MCTP2: variants seen among roughly 807,000 people sequenced by gnomAD.
The protein encoded by MCTP2 is multiple C2 and transmembrane domain containing 2.
A neutral mutation model predicts 111.6 loss-of-function variants in MCTP2; 132 were observed. That is an observed-to-expected ratio of 1.18 (90% CI 1.03 to 1.37). The LOEUF (loss-of-function observed/expected upper bound fraction) is 1.37. Ranked by LOEUF, MCTP2 falls within the 40% of genes most tolerant of loss-of-function variation. The pLI is 0.00. For synonymous variants in MCTP2, 395 were observed against 387.7 expected (o/e 1.02, Z -0.22); for missense variants, 1,183 against 1,067.9 (o/e 1.11, Z -1.50).
At chr15:94,388,627 G>GT (rs989026912) in intron 14 of MCTP2, among the ~76,000 whole-genome samples, 19 of 151,540 alleles carry the variant, frequency 1.3e-4, no homozygotes, top group East Asian at 5.8e-4. Context: ...TTTAGATCTA[G>GT]TTTTTTTTTC....
intron 17 of MCTP2, 149 bp from the exon 18 acceptor site, chr15:94,440,027 C>T (rs2083686813): frequency 2.4e-6 from 2 of 844,556 alleles, no homozygotes; most frequent in Non-Finnish European, 3.7e-6. Context: ...ATGAGTTGAT[C>T]ATTGTGTGTG....
At position 94,367,561 on chromosome 15, in the gene MCTP2, G is replaced by A. The variant is rs753724011; in HGVS notation, c.1302-44G>A. ...GCTTTGGAGGTACTGCAGTGGCCTT[G>A]AATTAATCACTTTTCTCTCTCTTGA... On this transcript the variant is annotated intron_variant, in intron 10 of 22. Transcript: ENST00000357742. 69 of 1,527,338 alleles carry A rather than the reference G, an allele frequency of 4.5e-5. 1 individual carries two copies. The highest frequency in any genetic ancestry group is 6.0e-5 in the Non-Finnish European group (67 of 1,117,860). 94.6% of individuals were successfully genotyped at this position (1,527,338 alleles called of 1,614,324 possible). A position where few individuals can be genotyped will look rare whatever the true frequency, so the allele number is the denominator to read the frequency against.
rs142333701 is a variant in MCTP2, at chr15:94,355,338, A to G, written c.1006-799A>G. Among the ~76,000 whole-genome samples the G allele has an allele frequency of 2.6e-5, 4 of 152,360 alleles. No homozygotes were observed. The East Asian group carries it at 7.7e-4, about 29-fold the overall frequency. On this transcript the variant is annotated intron_variant, in intron 8 of 22. Coordinates refer to ENST00000357742, the MANE Select transcript of MCTP2 (RefSeq NM_001385001.1). ...GTAATTAAGTACATGGAGATTTATT[A>G]TACTCTTCTCTTTACCTTTGTGTAT...
chr15:94,344,253 T>C (rs574493678), intron 7 of MCTP2, among the ~76,000 whole-genome samples: 1 of 152,354 alleles, frequency 6.6e-6, no homozygotes, highest in Admixed American at 6.5e-5. Context: ...CCCTGAAGAT[T>C]ATTAATTTTC....
chr15:94,307,542 C>T (rs2075942514), intron 2 of MCTP2, among the ~76,000 whole-genome samples: 1 of 152,154 alleles, frequency 6.6e-6, no homozygotes, highest in South Asian at 2.1e-4. Flanking sequence ...ACAGAAGCCA[C>T]ATCATGTAGG....
intron 1 of MCTP2, among the ~76,000 whole-genome samples, chr15:94,232,930 A>G (rs1027537652): frequency 6.6e-6 from 1 of 152,196 alleles, no homozygotes; most frequent in Non-Finnish European, 1.5e-5. Flanking sequence ...TGAAATCTAC[A>G]AAGTAGATAC....
rs1026971639 is a variant in MCTP2 at position 94,275,469 on chromosome 15, G to A, written c.-65-22732G>A. On this transcript the variant is annotated intron_variant, in intron 1 of 22. Transcript: ENST00000357742. The stretch of plus-strand genomic sequence containing the variant: ...CTAGTAATAAAGAAAAATTAAAAAT[G>A]TCTATACTGAAAATTTCAAAAGATA... Among the ~76,000 whole-genome samples, 5 of 152,122 alleles carry A rather than the reference G, an allele frequency of 3.3e-5. 1 individual carries two copies. The South Asian group carries it at 6.2e-4, about 19-fold the overall frequency.
At chr15:94,265,492 C>T (rs1332364750) in intron 1 of MCTP2, among the ~76,000 whole-genome samples, 1 of 152,074 alleles carries the variant, frequency 6.6e-6, no homozygotes, top group Non-Finnish European at 1.5e-5. Context: ...CACTTACTTA[C>T]TTGTAGATTA....
intron 17 of MCTP2, among the ~76,000 whole-genome samples, chr15:94,408,789 C>A (rs1388867568): frequency 6.6e-6 from 1 of 152,192 alleles, no homozygotes; most frequent in Non-Finnish European, 1.5e-5. Context: ...TTGGAGCATT[C>A]CAATTTTGAC....
At chr15:94,404,018 C>A (rs749041515) in intron 17 of MCTP2, among the ~76,000 whole-genome samples, 1 of 152,168 alleles carries the variant, frequency 6.6e-6, no homozygotes, top group Admixed American at 6.5e-5. Context: ...AATAAAAGTG[C>A]TCACTTAAAC....
At position 94,409,260 on chromosome 15, in the gene MCTP2, T is replaced by A. The variant is rs2082041822; in HGVS notation, c.2085+7241T>A. ...ACATCTTTCTCCCATGCTGGTTGCC[T>A]CCTGCCCTTGAACATCGGACTCCGA... On this transcript the variant is annotated intron_variant, in intron 17 of 22. Coordinates refer to ENST00000357742, the MANE Select transcript of MCTP2 (RefSeq NM_001385001.1). Among the ~76,000 whole-genome samples the A allele has an allele frequency of 2.0e-5, 3 of 152,144 alleles. No homozygotes were observed. In the South Asian group the frequency reaches 6.2e-4, roughly 32 times the overall value.
chr15:94,365,986 C>T lies in MCTP2; in HGVS notation c.1302-1619C>T, dbSNP rs182624182. On this transcript the variant is annotated intron_variant, in intron 10 of 22. Coordinates refer to ENST00000357742, the MANE Select transcript of MCTP2 (RefSeq NM_001385001.1). ...TAAAATAATGCTTAGCAAAGTATTC[C>T]GAAGTAGAAATATTACTGCAATATT... is the stretch of plus-strand genomic sequence containing the variant. Among the ~76,000 whole-genome samples, 33 of 152,084 alleles carry T rather than the reference C, an allele frequency of 2.2e-4. No individual in the cohort carries two copies. The East Asian group carries it at 5.0e-3, about 23-fold the overall frequency.
intron 1 of MCTP2, among the ~76,000 whole-genome samples, chr15:94,248,562 T>G (rs1225792051): frequency 6.6e-6 from 1 of 152,242 alleles, no homozygotes; most frequent in Non-Finnish European, 1.5e-5. Context: ...AAATATGTTC[T>G]TTCGCTTGTT....
chr15:94,382,488 G>C (rs1007372231), intron 12 of MCTP2, among the ~76,000 whole-genome samples: 1 of 152,258 alleles, frequency 6.6e-6, no homozygotes, highest in Non-Finnish European at 1.5e-5. Context: ...AAGTGTCCAG[G>C]CCACTAGTCA....
chr15:94,268,603 G>A (rs1352872583), intron 1 of MCTP2, among the ~76,000 whole-genome samples: 1 of 151,964 alleles, frequency 6.6e-6, no homozygotes, highest in Admixed American at 6.6e-5. Flanking sequence ...TAGACTATGT[G>A]ATTAACACCT....
At chr15:94,355,210 C>T (rs889409660) in intron 8 of MCTP2, among the ~76,000 whole-genome samples, 1 of 152,140 alleles carries the variant, frequency 6.6e-6, no homozygotes, top group African/African-American at 2.4e-5. Context: ...GTGATCATAG[C>T]AGGATTTTTA....
intron 17 of MCTP2, among the ~76,000 whole-genome samples, chr15:94,409,290 T>G (rs141014258): frequency 0.013 from 1,909 of 152,234 alleles, 34 homozygotes; most frequent in African/African-American, 0.042. Context: ...CTCCGAGTTC[T>G]TCAGTTGAGG....
At chr15:94,295,518 A>G (rs2075233090) in intron 1 of MCTP2, among the ~76,000 whole-genome samples, 1 of 152,096 alleles carries the variant, frequency 6.6e-6, no homozygotes, top group Non-Finnish European at 1.5e-5. Flanking sequence ...ATGTTCAGGT[A>G]TACTTTATTT....
chr15:94,361,506 A>G (rs34408206), intron 10 of MCTP2, among the ~76,000 whole-genome samples: 44,680 of 152,088 alleles, frequency 0.29, 6,737 homozygotes, highest in Admixed American at 0.37. Flanking sequence ...GCCAACTGGC[A>G]GGGTCATCAT....
Sources: gnomAD v4.1 joint callset for allele counts (sites outside exome capture counted in the v4.1 genomes callset) on GRCh38, gnomAD v4.1.1 for gene constraint, MANE v1.5 for transcripts, NCBI Gene and HGNC (gene_info 2026-07-23, HGNC 2026-07-21) for gene names.